TUFT1: variants seen among roughly 807,000 people sequenced by gnomAD.
TUFT1 encodes the protein tuftelin.
Under a neutral mutation model 57.8 loss-of-function variants are expected in TUFT1, and 43 were observed. That is an observed-to-expected ratio of 0.74 (90% CI 0.58 to 0.96). The LOEUF (loss-of-function observed/expected upper bound fraction) is 0.96. Ranked by LOEUF, TUFT1 falls within the 40% of genes least tolerant of loss-of-function variation. The pLI, the probability that TUFT1 is intolerant of heterozygous loss-of-function variation, is 0.00. For synonymous variants in TUFT1, 166 were observed against 176.7 expected (o/e 0.94, Z 0.48); for missense variants, 459 against 489.0 (o/e 0.94, Z 0.58).
chr1:151,574,002 G>T (rs1666356827), intron 7 of TUFT1, among the ~76,000 whole-genome samples: 1 of 152,206 alleles, frequency 6.6e-6, no homozygotes, highest in Non-Finnish European at 1.5e-5. Flanking sequence ...TCACCTATCT[G>T]AAAAGTGGTG....
chr1:151,540,343 T>G lies in TUFT1; in HGVS notation c.-24T>G, dbSNP rs1185022185. On this transcript the variant is annotated 5_prime_UTR_variant, in exon 1 of 13. Transcript: ENST00000368849. The stretch of plus-strand genomic sequence containing the variant: ...CAGACAGCGGGGTGGACAAGTGGCG[T>G]GTGTGCTGCGACCCCGAGGGAAGAT... The G allele has an allele frequency of 8.1e-6, 13 of 1,613,902 alleles. No homozygotes were observed. Among genetic ancestry groups the G allele is most frequent in the Non-Finnish European group, 1.0e-5 (12 of 1,179,900 alleles).
At chr1:151,549,953 C>G (rs961060707) in intron 1 of TUFT1, among the ~76,000 whole-genome samples, 2 of 152,206 alleles carry the variant, frequency 1.3e-5, no homozygotes, top group Admixed American at 1.3e-4. Flanking sequence ...AACTCCTGGA[C>G]TCAGGTGATC....
intron 1 of TUFT1, 57 bp downstream of exon 1, chr1:151,540,483 G>T (rs754915935): frequency 2.0e-5 from 32 of 1,600,564 alleles, no homozygotes; most frequent in Non-Finnish European, 2.6e-5. Flanking sequence ...TTCTAAGTCC[G>T]CCCCTTCCGT....
chr1:151,573,576 C>T (rs1666340126), intron 7 of TUFT1, among the ~76,000 whole-genome samples: 1 of 152,128 alleles, frequency 6.6e-6, no homozygotes, highest in African/African-American at 2.4e-5. Flanking sequence ...TAAACCCCGT[C>T]TCTACTAAAA....
At chr1:151,562,033 T>C (rs1204526954) in intron 1 of TUFT1, 58 bp from the exon 2 acceptor site, 2 of 1,558,188 alleles carry the variant, frequency 1.3e-6, no homozygotes, top group Non-Finnish European at 1.8e-6. Context: ...CTGGTAGCAG[T>C]TTGTACCTGT....
intron 1 of TUFT1, among the ~76,000 whole-genome samples, chr1:151,544,462 A>G (rs897933113): frequency 3.0e-4 from 45 of 152,050 alleles, no homozygotes; most frequent in African/African-American, 1.1e-3. Flanking sequence ...ATGCCCAGCT[A>G]ATTTTTGTAC....
chr1:151,555,912 A>G (rs1390625101), intron 1 of TUFT1, among the ~76,000 whole-genome samples: 5 of 152,088 alleles, frequency 3.3e-5, no homozygotes, highest in Admixed American at 2.0e-4. Context: ...CACAACCAGG[A>G]TATTGGCATT....
intron 12 of TUFT1, among the ~76,000 whole-genome samples, chr1:151,581,298 A>G (rs139056481): frequency 2.0e-5 from 3 of 152,312 alleles, no homozygotes; most frequent in Admixed American, 1.3e-4. Context: ...AAATTTAGTT[A>G]TAATGTTTGC....
chr1:151,549,342 A>G (rs998129180), intron 1 of TUFT1, among the ~76,000 whole-genome samples: 1 of 152,026 alleles, frequency 6.6e-6, no homozygotes, highest in Non-Finnish European at 1.5e-5. Flanking sequence ...TTGCTCCTTG[A>G]CTCTGGGTTG....
intron 1 of TUFT1, among the ~76,000 whole-genome samples, chr1:151,561,131 C>T (rs2102535155): frequency 1.3e-5 from 2 of 152,032 alleles, no homozygotes; most frequent in Middle Eastern, 3.4e-3. Flanking sequence ...GTAGCTGGGA[C>T]TACAGGCGCC....
chr1:151,550,131 A>G (rs1443380106), intron 1 of TUFT1, among the ~76,000 whole-genome samples: 1 of 152,208 alleles, frequency 6.6e-6, no homozygotes, highest in Admixed American at 6.5e-5. Context: ...TCCCAGGTTC[A>G]AGCGATTCTC....
At chr1:151,543,984 C>CTTT (rs10718036) in intron 1 of TUFT1, among the ~76,000 whole-genome samples, 5 of 116,976 alleles carry the variant, frequency 4.3e-5, no homozygotes, top group Non-Finnish European at 7.5e-5. Flanking sequence ...CTTTAAATCA[C>CTTT]TTTTTTTTTT....
intron 6 of TUFT1, 127 bp downstream of exon 6, chr1:151,566,355 TA>T (rs1666080117): frequency 6.8e-6 from 5 of 738,542 alleles, no homozygotes; most frequent in Non-Finnish European, 1.1e-5. Context: ...GTAGTTGACA[TA>T]AAAATTCAAA....
intron 1 of TUFT1, chr1:151,561,463 GCGCGCGCGCGCACACA>G (rs1169633788): frequency 1.3e-4 from 13 of 97,376 alleles, no homozygotes; most frequent in Non-Finnish European, 2.1e-4. Flanking sequence ...GCAGTCATGC[GCGCGCGCGCGCACACA>G]CACACACACA....
At position 151,582,119 on chromosome 1, in the gene TUFT1, G is replaced by A. The variant is rs1396968001; in HGVS notation, c.*412G>A. ...GACACAGATGTCCAGAGTGATTGGA[G>A]AATGTCCTGGGGGAATGAAGTTCCT... On this transcript the variant is annotated 3_prime_UTR_variant, in exon 13 of 13. Coordinates refer to ENST00000368849, the MANE Select transcript of TUFT1 (RefSeq NM_020127.3). 1 of 470,450 alleles carries A rather than the reference G, an allele frequency of 2.1e-6. No homozygotes were observed. The highest frequency in any genetic ancestry group is 6.5e-5 in the East Asian group (1 of 15,346). The allele number at this position is 470,450 out of a possible 1,614,324, so 29.1% of individuals were successfully genotyped here. A position where few individuals can be genotyped will look rare whatever the true frequency, so the allele number is the denominator to read the frequency against.
At chr1:151,553,333 G>C (rs1236598077) in intron 1 of TUFT1, among the ~76,000 whole-genome samples, 1 of 152,090 alleles carries the variant, frequency 6.6e-6, no homozygotes, top group Non-Finnish European at 1.5e-5. Flanking sequence ...CTCGTGATCT[G>C]CCCACGCCTC....
At chr1:151,541,467 G>T (rs1401031878) in intron 1 of TUFT1, among the ~76,000 whole-genome samples, 1 of 152,122 alleles carries the variant, frequency 6.6e-6, no homozygotes, top group Non-Finnish European at 1.5e-5. Flanking sequence ...GCTATTGTGG[G>T]TGGGAGTGAA....
chr1:151,544,535 G>A (rs969371199), intron 1 of TUFT1, among the ~76,000 whole-genome samples: 9 of 152,224 alleles, frequency 5.9e-5, no homozygotes, highest in African/African-American at 1.9e-4. Context: ...GACCTCAAAT[G>A]ATCTGCCCGC....
Position 151,540,335 on chromosome 1 carries a change from A to T in TUFT1, c.-32A>T, listed in dbSNP as rs376071648. The T allele has an allele frequency of 1.5e-4, 236 of 1,613,808 alleles. 2 individuals carry two copies. The African/African-American group carries it at 1.9e-3, about 13-fold the overall frequency. On this transcript the variant is annotated 5_prime_UTR_variant, in exon 1 of 13. Transcript: ENST00000368849. ...GTTGGAGCCAGACAGCGGGGTGGACAAGTGGCGTGTGTGCTGCGACCCCGA... is the reference window on the plus strand; with the variant it reads ...GTTGGAGCCAGACAGCGGGGTGGACTAGTGGCGTGTGTGCTGCGACCCCGA...
Sources: allele counts gnomAD v4.1 joint callset (sites outside exome capture counted in the v4.1 genomes callset), GRCh38; gene constraint gnomAD v4.1.1; transcripts MANE v1.5; gene names NCBI Gene and HGNC (gene_info 2026-07-23, HGNC 2026-07-21).